CTNND1: variants seen among roughly 807,000 people sequenced by gnomAD.
CTNND1 encodes the protein catenin delta 1.
In CTNND1, 16 loss-of-function variants were observed where a neutral mutation model predicts 112.1. That is an observed-to-expected ratio of 0.14 (90% CI 0.10 to 0.22). The LOEUF is 0.22. CTNND1 is among the 10% of genes least tolerant of loss of function. The pLI is 1.00. For synonymous variants in CTNND1, 420 were observed against 446.5 expected (o/e 0.94, Z 0.75); for missense variants, 1,008 against 1,257.0 (o/e 0.80, Z 3.00).
chr11:57,806,507 T>A, intron 11 of CTNND1, 29 bp downstream of exon 11: 1 of 1,579,962 alleles, frequency 6.3e-7, no homozygotes, highest in Non-Finnish European at 8.6e-7. Flanking sequence ...GGTGCTTATC[T>A]ACTTCTAATT....
Position 57,791,715 on chromosome 11 carries a change from A to G in CTNND1, c.195+42A>G, listed in dbSNP as rs189957936. The stretch of plus-strand genomic sequence containing the variant: ...TCAGACGTGCAGGTAGGACTTTGGC[A>G]TGGTCACAGAGAGGCTATGATCCTT... On this transcript the variant is annotated intron_variant, in intron 3 of 20. Coordinates refer to ENST00000399050, the MANE Select transcript of CTNND1 (RefSeq NM_001085458.2). 4 of 1,491,232 alleles carry G rather than the reference A, an allele frequency of 2.7e-6. No homozygotes were observed. The East Asian group carries it at 1.0e-4, about 38-fold the overall frequency. 92.4% of individuals were successfully genotyped at this position (1,491,232 alleles called of 1,614,324 possible). A position where few individuals can be genotyped will look rare whatever the true frequency, so the allele number is the denominator to read the frequency against.
Position 57,815,445 on chromosome 11 carries a change from A to T in CTNND1, c.2753A>T (p.Asp918Val), listed in dbSNP as rs1187557319. 1.2e-6 allele frequency: 2 copies of T among 1,612,746 alleles called. No homozygotes were observed. Among genetic ancestry groups the T allele is most frequent in the Non-Finnish European group, 1.7e-6 (2 of 1,179,350 alleles). The change falls in exon 19 of 21, where the codon GAT (aspartate) becomes GTT (valine). Residue 918 changes from aspartate to valine, a missense_variant. Physicochemically the swap from Asp to Val is radical, Grantham distance 152. Coordinates refer to ENST00000399050, the MANE Select transcript of CTNND1 (RefSeq NM_001085458.2). ...NERGDHNRTL[D>V]RSGDLGDMEP... ...AGAGGAGACCACAATAGAACACTGG[A>T]TCGATCGGGGGATCTAGGCGACATG...
intron 1 of CTNND1, among the ~76,000 whole-genome samples, chr11:57,771,856 G>C (rs1273470693): frequency 6.6e-6 from 1 of 152,000 alleles, no homozygotes; most frequent in Non-Finnish European, 1.5e-5. Context: ...GATTACCTTT[G>C]TCTTAGAGAA....
intron 6 of CTNND1, among the ~76,000 whole-genome samples, chr11:57,801,150 C>G (rs1465517674): frequency 6.6e-6 from 1 of 152,240 alleles, no homozygotes; most frequent in African/African-American, 2.4e-5. Context: ...TGTGATGTAG[C>G]AGGAAGCCCT....
chr11:57,775,157 G>T (rs527763329), intron 1 of CTNND1, among the ~76,000 whole-genome samples: 1 of 151,798 alleles, frequency 6.6e-6, no homozygotes, highest in Non-Finnish European at 1.5e-5. Flanking sequence ...CTGAATATTT[G>T]AATTAAGCTT....
chr11:57,774,867 C>CG (rs1953757370), intron 1 of CTNND1, among the ~76,000 whole-genome samples: 1 of 152,048 alleles, frequency 6.6e-6, no homozygotes, highest in South Asian at 2.1e-4. Context: ...CATGCGCCAC[C>CG]ATACCTGCTT....
In CTNND1 at chr11:57,810,228, A is replaced by G; in HGVS notation, c.2550+5A>G. On this transcript the variant is annotated splice_donor_5th_base_variant and intron_variant, in intron 16 of 20. Coordinates refer to ENST00000399050, the MANE Select transcript of CTNND1 (RefSeq NM_001085458.2). ...TGGAAGAAATCAGACTTTCAGGTAT[A>G]GTAACTTTTGAGACCAAGACTTTTA... 1.9e-6 allele frequency: 3 copies of G among 1,595,480 alleles called. No individual in the cohort carries two copies. The East Asian group carries it at 6.7e-5, about 36-fold the overall frequency.
intron 19 of CTNND1, 55 bp downstream of exon 19, chr11:57,815,555 T>C (rs780258296): frequency 1.6e-5 from 22 of 1,407,856 alleles, no homozygotes; most frequent in Non-Finnish European, 2.0e-5. Flanking sequence ...TTTTGAAGCC[T>C]ATGTGTTTTG....
chr11:57,816,061 A>ACCC, intron 20 of CTNND1, 60 bp downstream of exon 20: 1 of 1,403,120 alleles, frequency 7.1e-7, no homozygotes, highest in East Asian at 2.4e-5. Flanking sequence ...GAGTGCCAGC[A>ACCC]ACTTGTCAAT....
At chr11:57,792,472 TG>T (rs1181066450) in intron 3 of CTNND1, among the ~76,000 whole-genome samples, 20 of 152,254 alleles carry the variant, frequency 1.3e-4, no homozygotes, top group African/African-American at 4.8e-4. Flanking sequence ...TGGTAGACAT[TG>T]CCTGATAGAT....
At position 57,806,935 on chromosome 11, in the gene CTNND1, C is replaced by T. The variant is rs746105648; in HGVS notation, c.1915C>T (p.Pro639Ser). ...FSRGKKPIED[P>S]ANDTVDFPKR... ...TGTAGGGAAAAAACCTATAGAGGATCCAGCAAACGATACAGTGGATTTCCC... is the reference window on the plus strand; with the variant it reads ...TGTAGGGAAAAAACCTATAGAGGATTCAGCAAACGATACAGTGGATTTCCC... The change falls in exon 12 of 21, where the codon CCA becomes TCA. Residue 639 changes from proline to serine, a missense_variant. This residue lies in a region of CTNND1 where 254 missense variants were observed against 279.5 expected (regional missense o/e 0.91). Transcript: ENST00000399050. 1.3e-5 allele frequency: 21 copies of T among 1,600,318 alleles called. No homozygotes were observed. In the South Asian group the frequency reaches 1.8e-4, roughly 14 times the overall value.
At position 57,777,267 on chromosome 11, in the gene CTNND1, T is replaced by C. The variant is rs538785921; in HGVS notation, c.-213-11770T>C. On this transcript the variant is annotated intron_variant, in intron 1 of 20. Transcript: ENST00000399050. ...CTGCCCTACCCTTGCCACCTGGTCA[T>C]ACCAGATCCAGATAAGGACTAAATC... Among the ~76,000 whole-genome samples the C allele has an allele frequency of 1.2e-4, 18 of 152,282 alleles. No individual in the cohort carries two copies. In the South Asian group the frequency reaches 3.7e-3, roughly 32 times the overall value.
At chr11:57,792,993 G>A (rs995521610) in intron 3 of CTNND1, among the ~76,000 whole-genome samples, 1 of 152,128 alleles carries the variant, frequency 6.6e-6, no homozygotes, top group African/African-American at 2.4e-5. Context: ...AGAAAGTTAG[G>A]GATGAAATTA....
intron 14 of CTNND1, 111 bp downstream of exon 14, chr11:57,808,651 C>A (rs2062984124): frequency 9.5e-7 from 1 of 1,055,574 alleles, no homozygotes; most frequent in East Asian, 2.8e-5. Flanking sequence ...GAAGGACCCT[C>A]CCCCGCTTCA....
chr11:57,778,374 A>C (rs571910126), intron 1 of CTNND1, among the ~76,000 whole-genome samples: 2 of 152,288 alleles, frequency 1.3e-5, no homozygotes, highest in South Asian at 4.1e-4. Flanking sequence ...TTGGTAATCA[A>C]ATTGCCATAA....
chr11:57,793,977 A>G, intron 3 of CTNND1, 33 bp from the exon 4 acceptor site: 1 of 1,611,148 alleles, frequency 6.2e-7, no homozygotes, highest in Admixed American at 1.7e-5. Flanking sequence ...GAAGGCCACA[A>G]AATGAATTGT....
At chr11:57,776,244 G>A (rs984076857) in intron 1 of CTNND1, among the ~76,000 whole-genome samples, 1 of 152,170 alleles carries the variant, frequency 6.6e-6, no homozygotes, top group Non-Finnish European at 1.5e-5. Flanking sequence ...AGGAGGGGAG[G>A]GAGCGAGGGA....
intron 6 of CTNND1, 143 bp downstream of exon 6, chr11:57,797,135 C>T (rs905100238): frequency 5.7e-5 from 29 of 505,042 alleles, no homozygotes; most frequent in Non-Finnish European, 8.8e-5. Flanking sequence ...TGAAAAGCTA[C>T]CCTGTTTTTC....
intron 19 of CTNND1, 180 bp downstream of exon 19, chr11:57,815,680 G>A: frequency 2.5e-6 from 2 of 792,042 alleles, no homozygotes; most frequent in South Asian, 1.3e-5. Flanking sequence ...TTCTGCAGTG[G>A]TCAAAATGGG....
Sources: gnomAD v4.1 joint callset for allele counts (sites outside exome capture counted in the v4.1 genomes callset) on GRCh38, gnomAD v4.1.1 for gene constraint, gnomAD v4.1.1 regional missense constraint, MANE v1.5 for transcripts, NCBI Gene and HGNC (gene_info 2026-07-23, HGNC 2026-07-21) for gene names.